The following BCOR variants were observed in gnomAD, a reference collection of about 807,000 sequenced individuals.
BCOR encodes BCL6 corepressor, also known as BCL-6 corepressor.
In BCOR, 10 loss-of-function variants were observed where a neutral mutation model predicts 86.7. That is an observed-to-expected ratio of 0.12 (90% CI 0.07 to 0.20). BCOR has a LOEUF of 0.20. Ranked by LOEUF, BCOR falls within the 10% of genes least tolerant of loss-of-function variation. The probability of loss-of-function intolerance (pLI) is 1.00; values close to 1 mark genes in which losing one functional copy is unlikely to be tolerated. For missense variants in BCOR, 1,259 were observed against 1,452.1 expected, an observed-to-expected ratio of 0.87 and a Z score of 2.16; for synonymous variants, 611 against 609.0, an observed-to-expected ratio of 1.00 and a Z score of -0.05.
intron 6 of BCOR, among the ~76,000 whole-genome samples, chrX:40,068,738 G>A (rs1264105745): frequency 8.8e-6 from 1 of 113,041 alleles, no homozygotes; most frequent in Non-Finnish European, 1.9e-5. Context: ...AGGAGTTTGG[G>A]GACACTCCTA....
intron 1 of BCOR, among the ~76,000 whole-genome samples, chrX:40,087,870 T>C (rs1474858001): frequency 1.8e-5 from 2 of 112,584 alleles, no homozygotes; most frequent in African/African-American, 6.5e-5. Flanking sequence ...CATGGGTGTT[T>C]TGACTGGAAA....
chrX:40,135,760 C>A (rs1425085804), intron 1 of BCOR, among the ~76,000 whole-genome samples: 1 of 111,496 alleles, frequency 9.0e-6, no homozygotes, highest in Non-Finnish European at 1.9e-5. Context: ...CTGAGATTGG[C>A]GGCAATGACC....
chrX:40,105,970 C>G (rs1367007660), intron 1 of BCOR, among the ~76,000 whole-genome samples: 1 of 113,027 alleles, frequency 8.8e-6, no homozygotes, highest in South Asian at 3.6e-4. Context: ...CACTCATCTC[C>G]CCCTCAGCCC....
chrX:40,065,257 G>A (rs1011673090), intron 6 of BCOR, among the ~76,000 whole-genome samples: 11 of 112,475 alleles, frequency 9.8e-5, no homozygotes, highest in Non-Finnish European at 1.3e-4. Flanking sequence ...GAAGAGGGGC[G>A]TGGCAAAGCC....
upstream of BCOR, among the ~76,000 whole-genome samples, chrX:40,101,864 C>T (rs1186405768): frequency 8.9e-6 from 1 of 112,809 alleles, no homozygotes; most frequent in East Asian, 2.8e-4. Context: ...ACAGGTGGGA[C>T]TCGGATGAGT....
At chrX:40,054,499 CTT>C (rs147324206) in intron 12 of BCOR, among the ~76,000 whole-genome samples, 166 bp from the exon 13 acceptor site, 75 of 98,823 alleles carry the variant, frequency 7.6e-4, no homozygotes, top group African/African-American at 1.7e-3. Flanking sequence ...TTATGTATCT[CTT>C]TTTTTTTTTT....
At chrX:40,080,070 G>A (rs1465207375) in intron 1 of BCOR, among the ~76,000 whole-genome samples, 1 of 104,758 alleles carries the variant, frequency 9.5e-6, no homozygotes, top group African/African-American at 3.9e-5. Context: ...CCAAGAAAAG[G>A]ATGAGGGAAG....
At chrX:40,139,425 CATATAT>C (rs1156368166) in intron 1 of BCOR, among the ~76,000 whole-genome samples, 4 of 1,049 alleles carry the variant, frequency 3.8e-3, no homozygotes, top group Non-Finnish European at 4.4e-3. Flanking sequence ...AATATATATA[CATATAT>C]ATATATATAT....
chrX:40,139,285 C>A (rs914461045), intron 1 of BCOR, among the ~76,000 whole-genome samples: 5 of 94,444 alleles, frequency 5.3e-5, no homozygotes, highest in African/African-American at 1.8e-4. Context: ...CTTTTGAAAA[C>A]CTGCCTTCAT....
Position 40,074,779 on chromosome X carries a change from C to A in BCOR, c.567G>T (p.Leu189=), listed in dbSNP as rs1429727761. The change falls in exon 4 of 15, where the codon CTG becomes CTT. Residue 189 remains leucine (L), a synonymous_variant. Coordinates refer to ENST00000378444, the MANE Select transcript of BCOR (RefSeq NM_001123385.2). ...CCTCCATGTAAGGATTGACCCAGGG[C>A]AGCCGCAGATAACTAGCACCATTGA... The part of the protein sequence containing the change: ...LNINGASYLR[L]PWVNPYMEGA... 4 of 1,211,917 alleles carry A rather than the reference C, an allele frequency of 3.3e-6. No individual in the cohort carries two copies. Among genetic ancestry groups the A allele is most frequent in the Non-Finnish European group, 3.3e-6 (3 of 895,537 alleles).
intron 1 of BCOR, among the ~76,000 whole-genome samples, chrX:40,156,873 C>A (rs1381074907): frequency 1.8e-5 from 2 of 113,835 alleles, no homozygotes; most frequent in African/African-American, 6.4e-5. Context: ...GGAGTCGTCA[C>A]CGAACCAGCT....
At chrX:40,058,936 C>T (rs768715982) in intron 10 of BCOR, among the ~76,000 whole-genome samples, 78 of 112,175 alleles carry the variant, frequency 7.0e-4, no homozygotes, top group Non-Finnish European at 1.1e-3. Context: ...GGGAGAGGCC[C>T]TGTCACGTGA....
chrX:40,076,601 A>G, intron 2 of BCOR, 69 bp from the exon 3 acceptor site: 1 of 859,591 alleles, frequency 1.2e-6, no homozygotes, highest in South Asian at 2.0e-5. Flanking sequence ...AGATCTCCCC[A>G]GAACAGACCA....
chrX:40,154,133 GATA>G (rs1205398390), intron 1 of BCOR, among the ~76,000 whole-genome samples: 1 of 111,686 alleles, frequency 9.0e-6, no homozygotes, highest in Non-Finnish European at 1.9e-5. Flanking sequence ...AATTAATAAT[GATA>G]ATAAGAGAAA....
At chrX:40,098,732 G>A (rs184721077), upstream of BCOR, among the ~76,000 whole-genome samples, 32 of 111,063 alleles carry the variant, frequency 2.9e-4, 1 homozygote, top group East Asian at 8.0e-3. Context: ...TCCTCCCAGA[G>A]GAGCCCTTTC....
chrX:40,082,884 G>C (rs1284229985), intron 1 of BCOR, among the ~76,000 whole-genome samples: 4 of 111,414 alleles, frequency 3.6e-5, no homozygotes, highest in Non-Finnish European at 7.5e-5. Context: ...GTTTCTTTGG[G>C]GCACTACCAC....
intron 1 of BCOR, among the ~76,000 whole-genome samples, chrX:40,169,619 AAAAC>A (rs1938577281): frequency 9.0e-6 from 1 of 110,954 alleles, no homozygotes; most frequent in Non-Finnish European, 1.9e-5. Flanking sequence ...AAAAAAAACA[AAAAC>A]AAAAACCAGG....
chrX:40,132,641 A>G (rs1937614391), intron 1 of BCOR, among the ~76,000 whole-genome samples: 1 of 112,241 alleles, frequency 8.9e-6, no homozygotes, highest in African/African-American at 3.2e-5. Flanking sequence ...GTCACAAAAC[A>G]GATCCGTGGT....
intron 3 of BCOR, 57 bp downstream of exon 3, chrX:40,076,397 T>C (rs1450855653): frequency 1.1e-6 from 1 of 946,772 alleles, no homozygotes; most frequent in Non-Finnish European, 1.5e-6. Context: ...TTAATACGAT[T>C]GATTACAGAT....
Sources: allele counts gnomAD v4.1 joint callset (sites outside exome capture counted in the v4.1 genomes callset), GRCh38; gene constraint gnomAD v4.1.1; transcripts MANE v1.5; gene names NCBI Gene and HGNC (gene_info 2026-07-23, HGNC 2026-07-21).